The following DCC variants were observed in gnomAD, a reference collection of about 807,000 sequenced individuals.
DCC encodes netrin receptor DCC.
A neutral mutation model predicts 172.5 loss-of-function variants in DCC; 58 were observed. That is an observed-to-expected ratio of 0.34 (90% CI 0.27 to 0.42). DCC has a LOEUF of 0.42. Among genes scored for constraint, DCC ranks in the 10% least tolerant of loss-of-function variants. DCC has a pLI of 1.00. For synonymous variants in DCC, 709 were observed against 644.5 expected (o/e 1.10, Z -1.52); for missense variants, 1,740 against 1,791.0 (o/e 0.97, Z 0.51).
chr18:53,447,307 G>A (rs1229108155), intron 22 of DCC, among the ~76,000 whole-genome samples: 3 of 152,096 alleles, frequency 2.0e-5, no homozygotes, highest in Non-Finnish European at 2.9e-5. Flanking sequence ...TGATTATTCA[G>A]CCTTTGATTT....
intron 5 of DCC, among the ~76,000 whole-genome samples, chr18:53,033,602 C>T (rs181461127): frequency 4.3e-4 from 66 of 152,244 alleles, no homozygotes; most frequent in African/African-American, 1.1e-3. Context: ...CTCCTTGAGA[C>T]GCTAACAGCA....
At chr18:53,147,888 T>G (rs2043939337) in intron 7 of DCC, among the ~76,000 whole-genome samples, 4 of 152,204 alleles carry the variant, frequency 2.6e-5, no homozygotes, top group Admixed American at 1.3e-4. Context: ...TGGAGCCATT[T>G]TAATGAGTTG....
intron 22 of DCC, among the ~76,000 whole-genome samples, chr18:53,446,946 C>A (rs767522086): frequency 1.3e-5 from 2 of 152,142 alleles, no homozygotes; most frequent in African/African-American, 2.4e-5. Flanking sequence ...GTGTGACTTA[C>A]AGAGAAAATA....
intron 12 of DCC, among the ~76,000 whole-genome samples, chr18:53,293,644 C>T (rs983159539): frequency 6.6e-6 from 1 of 152,010 alleles, no homozygotes; most frequent in African/African-American, 2.4e-5. Flanking sequence ...TTCAAGTAGG[C>T]CCTGGTGTCT....
chr18:52,497,508 T>C (rs867155436), intron 1 of DCC, among the ~76,000 whole-genome samples: 1 of 142,988 alleles, frequency 7.0e-6, no homozygotes, highest in Non-Finnish European at 1.5e-5. Flanking sequence ...TTTTGCTTGA[T>C]ATAGTTTTCT....
chr18:53,530,040 A>C (rs1454348366), intron 28 of DCC, among the ~76,000 whole-genome samples: 1 of 149,734 alleles, frequency 6.7e-6, no homozygotes, highest in Non-Finnish European at 1.5e-5. Flanking sequence ...TCTCACATAC[A>C]AAAAAAAATG....
intron 7 of DCC, among the ~76,000 whole-genome samples, chr18:53,118,408 C>A (rs1381676339): frequency 6.6e-6 from 1 of 151,724 alleles, no homozygotes; most frequent in Non-Finnish European, 1.5e-5. Context: ...AAAGAAACCT[C>A]ATTTGAGTGA....
intron 1 of DCC, among the ~76,000 whole-genome samples, chr18:52,395,556 G>T (rs1254277040): frequency 6.6e-6 from 1 of 151,980 alleles, no homozygotes; most frequent in Non-Finnish European, 1.5e-5. Context: ...ATCAGGAGAA[G>T]ATTTATCAGT....
At chr18:52,792,980 G>A (rs2037805110) in intron 2 of DCC, among the ~76,000 whole-genome samples, 1 of 152,166 alleles carries the variant, frequency 6.6e-6, no homozygotes, top group African/African-American at 2.4e-5. Flanking sequence ...ACACATGTGG[G>A]TGGGTTAGGG....
rs1288562357 is a variant in DCC, at chr18:53,445,622, A to G, written c.3230-4878A>G. Among the ~76,000 whole-genome samples, 4 of 152,362 alleles carry G rather than the reference A, an allele frequency of 2.6e-5. 1 individual carries two copies. The South Asian group carries it at 6.2e-4, about 24-fold the overall frequency. ...ATGAGAGCAAAATATGATAAGAAAT[A>G]TAAAACATTTTTGACAGTCTATAAA... is the stretch of plus-strand genomic sequence containing the variant. On this transcript the variant is annotated intron_variant, in intron 22 of 28. Transcript: ENST00000442544.
chr18:53,343,403 A>G (rs528709730), intron 15 of DCC, among the ~76,000 whole-genome samples: 30 of 152,016 alleles, frequency 2.0e-4, no homozygotes, highest in Middle Eastern at 3.4e-3. Context: ...ATAACTTTCT[A>G]TCTTTTGAAA....
At chr18:53,318,677 C>T (rs1236956245) in intron 13 of DCC, among the ~76,000 whole-genome samples, 2 of 151,264 alleles carry the variant, frequency 1.3e-5, no homozygotes, top group African/African-American at 2.4e-5. Flanking sequence ...GTATTGGGTG[C>T]ATATACATTT....
At chr18:53,176,217 T>TA (rs2055091634) in intron 8 of DCC, among the ~76,000 whole-genome samples, 1 of 130,966 alleles carries the variant, frequency 7.6e-6, no homozygotes, top group Admixed American at 8.1e-5. Flanking sequence ...CCTAAAACCA[T>TA]AAAAACCCTA....
intron 1 of DCC, among the ~76,000 whole-genome samples, chr18:52,751,310 T>A (rs562224125): frequency 6.6e-6 from 1 of 152,350 alleles, no homozygotes; most frequent in East Asian, 1.9e-4. Flanking sequence ...TTTAACTGAT[T>A]ATACTTGCTT....
At chr18:52,616,702 T>C (rs1403124811) in intron 1 of DCC, among the ~76,000 whole-genome samples, 1 of 152,040 alleles carries the variant, frequency 6.6e-6, no homozygotes, top group African/African-American at 2.4e-5. Flanking sequence ...TAAAACATGT[T>C]CCCATGCAAT....
At chr18:52,565,362 G>A (rs992962627) in intron 1 of DCC, among the ~76,000 whole-genome samples, 1 of 152,090 alleles carries the variant, frequency 6.6e-6, no homozygotes, top group East Asian at 1.9e-4. Context: ...ACCCAGTAAC[G>A]GGATTGCTGG....
At chr18:53,311,247 C>T (rs1168756997) in intron 13 of DCC, among the ~76,000 whole-genome samples, 2 of 151,862 alleles carry the variant, frequency 1.3e-5, no homozygotes, top group African/African-American at 4.8e-5. Flanking sequence ...TCAGCCTCAC[C>T]AGTAGCTGGG....
At chr18:52,526,554 C>T (rs1010420395) in intron 1 of DCC, among the ~76,000 whole-genome samples, 17 of 151,968 alleles carry the variant, frequency 1.1e-4, no homozygotes, top group African/African-American at 4.1e-4. Context: ...CCTTTTCTAT[C>T]TCATGTCATC....
chr18:53,284,561 C>A (rs1875316655), intron 12 of DCC, among the ~76,000 whole-genome samples: 1 of 152,150 alleles, frequency 6.6e-6, no homozygotes, highest in Non-Finnish European at 1.5e-5. Flanking sequence ...GTCCAATAAA[C>A]CTCTTTCTTT....
Sources: allele counts gnomAD v4.1 joint callset (sites outside exome capture counted in the v4.1 genomes callset), GRCh38; gene constraint gnomAD v4.1.1; transcripts MANE v1.5; gene names NCBI Gene and HGNC (gene_info 2026-07-23, HGNC 2026-07-21).